Variants in CHD9 observed in about 807,000 individuals in gnomAD.
CHD9 encodes ATP-dependent chromatin remodeler CHD9.
In CHD9, 77 loss-of-function variants were observed where a neutral mutation model predicts 316.1. The observed-to-expected ratio is 0.24, with a 90% confidence interval of 0.20 to 0.29. CHD9 has a LOEUF of 0.29. Among genes scored for constraint, CHD9 ranks in the 10% least tolerant of loss-of-function variants. CHD9 has a pLI of 1.00. For synonymous variants in CHD9, 1,129 were observed against 1,158.3 expected (o/e 0.97, Z 0.51); for missense variants, 2,763 against 3,438.1 (o/e 0.80, Z 4.91).
intron 1 of CHD9, among the ~76,000 whole-genome samples, chr16:53,154,541 G>A (rs967530149): frequency 2.2e-4 from 34 of 152,266 alleles, no homozygotes; most frequent in East Asian, 1.4e-3. Flanking sequence ...TTTCGTGGAT[G>A]GGGTAGGGAA....
At chr16:53,229,845 C>G (rs1453535612) in intron 8 of CHD9, among the ~76,000 whole-genome samples, 1 of 152,176 alleles carries the variant, frequency 6.6e-6, no homozygotes, top group African/African-American at 2.4e-5. Context: ...TCTCTTTCAT[C>G]AAAATAGTAG....
chr16:53,309,333 C>T (rs572611058), intron 34 of CHD9, among the ~76,000 whole-genome samples: 3 of 152,262 alleles, frequency 2.0e-5, no homozygotes, highest in African/African-American at 7.2e-5. Context: ...TATTGGGCAG[C>T]TCAAATTGTC....
intron 2 of CHD9, among the ~76,000 whole-genome samples, chr16:53,196,092 A>C (rs2044891429): frequency 6.6e-6 from 1 of 152,142 alleles, no homozygotes; most frequent in Admixed American, 6.6e-5. Flanking sequence ...CCACAAGGGT[A>C]GAATCTTGCA....
chr16:53,283,326 T>C (rs1322828572), intron 24 of CHD9, among the ~76,000 whole-genome samples: 1 of 152,238 alleles, frequency 6.6e-6, no homozygotes, highest in Admixed American at 6.5e-5. Flanking sequence ...GAATGAATGA[T>C]CTACCCTGGG....
At chr16:53,151,951 T>C (rs2041153653) in intron 1 of CHD9, among the ~76,000 whole-genome samples, 1 of 149,898 alleles carries the variant, frequency 6.7e-6, no homozygotes, top group Non-Finnish European at 1.5e-5. Flanking sequence ...TTCTTATTCT[T>C]TGTATGCTTT....
chr16:53,100,517 T>C (rs2152567813), intron 1 of CHD9, among the ~76,000 whole-genome samples: 1 of 147,846 alleles, frequency 6.8e-6, no homozygotes, highest in East Asian at 2.0e-4. Flanking sequence ...TGGAGTAAAG[T>C]GGCTGATCAT....
At position 53,150,320 on chromosome 16, in the gene CHD9, A is replaced by G. The variant is rs535101140; in HGVS notation, c.-164-5606A>G. Among the ~76,000 whole-genome samples the G allele has an allele frequency of 2.0e-3, 309 of 152,194 alleles. 1 individual carries two copies. The highest frequency in any genetic ancestry group is 0.017 in the Middle Eastern group (5 of 294). On this transcript the variant is annotated intron_variant, in intron 1 of 38. Coordinates refer to ENST00000447540, the MANE Select transcript of CHD9 (RefSeq NM_001308319.2). ...TATGTTGCGGATTATAATTAACAAAAATTATAACAATGTATTTTAAATGCC... is the reference window on the plus strand; with the variant it reads ...TATGTTGCGGATTATAATTAACAAAGATTATAACAATGTATTTTAAATGCC...
intron 1 of CHD9, among the ~76,000 whole-genome samples, chr16:53,091,894 A>G (rs529218221): frequency 6.6e-6 from 1 of 152,136 alleles, no homozygotes; most frequent in South Asian, 2.1e-4. Flanking sequence ...GCTAAATGGA[A>G]AGAGCTTCCT....
Position 53,249,929 on chromosome 16 carries a change from G to A in CHD9, c.3724G>A (p.Asp1242Asn). ...VRGNLRQAAIDRFSKPDSDRF... is the reference protein window; with the variant it reads ...VRGNLRQAAINRFSKPDSDRF... ...AGGAAATCTTCGGCAAGCTGCTATAGATAGATTTAGTAAACCTGATTCAGA... is the reference window on the plus strand; with the variant it reads ...AGGAAATCTTCGGCAAGCTGCTATAAATAGATTTAGTAAACCTGATTCAGA... Residue 1242 changes from aspartate (D) to asparagine (N), a missense_variant, in exon 17 of 39, where the codon GAT (aspartate) becomes AAT (asparagine). Coordinates refer to ENST00000447540, the MANE Select transcript of CHD9 (RefSeq NM_001308319.2). 1 of 1,613,840 alleles carries A rather than the reference G, an allele frequency of 6.2e-7. No homozygotes were observed. Among genetic ancestry groups the A allele is most frequent in the Non-Finnish European group, 8.5e-7 (1 of 1,179,800 alleles).
intron 1 of CHD9, among the ~76,000 whole-genome samples, chr16:53,113,543 C>T (rs1455437458): frequency 6.6e-6 from 1 of 151,768 alleles, no homozygotes; most frequent in Non-Finnish European, 1.5e-5. Context: ...AATCTCTTGA[C>T]GTCATGATGC....
In CHD9 at chr16:53,228,387, C is replaced by G. The variant is rs368200543; in HGVS notation, c.2169-596C>G. ...TTTCCTGATCTTTAGGTTTTTATGTCAGACGCACACAATGAGATGATTTGA... is the reference window on the plus strand; with the variant it reads ...TTTCCTGATCTTTAGGTTTTTATGTGAGACGCACACAATGAGATGATTTGA... On this transcript the variant is annotated intron_variant, in intron 7 of 38. Transcript: ENST00000447540. Among the ~76,000 whole-genome samples, 9 of 151,484 alleles carry G rather than the reference C, an allele frequency of 5.9e-5. 1 individual carries two copies. Among genetic ancestry groups the G allele is most frequent in the Admixed American group, 6.6e-5 (1 of 15,228 alleles).
intron 11 of CHD9, among the ~76,000 whole-genome samples, chr16:53,236,023 T>G (rs1391209032): frequency 6.6e-6 from 1 of 152,202 alleles, no homozygotes; most frequent in Admixed American, 6.5e-5. Flanking sequence ...TGAATTGTTA[T>G]GCTTAGTGAT....
chr16:53,303,894 G>A lies in CHD9; in HGVS notation c.5888G>A (p.Cys1963Tyr), dbSNP rs988226677. ...PNPDLPVWWE[C>Y]GPHDRDLLIG... ...CCAGATTTACCAGTCTGGTGGGAAT[G>A]TGGCCCTCATGATAGGGATTTGCTT... Residue 1963 changes from cysteine (C) to tyrosine (Y), a missense_variant, in exon 31 of 39, where the codon TGT (cysteine) becomes TAT (tyrosine). By Grantham distance (194) the Cys-to-Tyr change is radical (BLOSUM62 -2). Transcript: ENST00000447540. The A allele has an allele frequency of 1.9e-6, 3 of 1,614,056 alleles. No individual in the cohort carries two copies. The highest frequency in any genetic ancestry group is 2.5e-6 in the Non-Finnish European group (3 of 1,179,894).
rs75592099 is a variant in CHD9 at position 53,135,478 on chromosome 16, T to C, written c.-164-20448T>C. ...TACATATATTTTAGAGAGGAGATGG[T>C]GAGGTGTGGAGGAGGAACAACTGAC... is the stretch of plus-strand genomic sequence containing the variant. On this transcript the variant is annotated intron_variant, in intron 1 of 38. Transcript: ENST00000447540. Among the ~76,000 whole-genome samples, 931 of 152,182 alleles carry C rather than the reference T, an allele frequency of 6.1e-3. 13 individuals carry two copies. Among genetic ancestry groups the C allele is most frequent in the African/African-American group, 0.021 (886 of 41,524 alleles).
chr16:53,122,386 A>G (rs1284677217), intron 1 of CHD9, among the ~76,000 whole-genome samples: 1 of 152,182 alleles, frequency 6.6e-6, no homozygotes, highest in African/African-American at 2.4e-5. Context: ...CACTACAACA[A>G]TCTTCAAACT....
intron 27 of CHD9, 75 bp from the exon 28 acceptor site, chr16:53,291,650 T>A: frequency 1.0e-6 from 1 of 994,984 alleles, no homozygotes; most frequent in Non-Finnish European, 1.5e-6. Flanking sequence ...TATAAAGAAG[T>A]TTGATTCTCT....
At chr16:53,102,366 T>A (rs559958966) in intron 1 of CHD9, among the ~76,000 whole-genome samples, 27 of 151,798 alleles carry the variant, frequency 1.8e-4, no homozygotes, top group South Asian at 1.5e-3. Context: ...TAATAATAAT[T>A]ATTATTATTA....
intron 1 of CHD9, chr16:53,131,409 G>C (rs1379410491): frequency 6.9e-6 from 1 of 145,868 alleles, no homozygotes; most frequent in African/African-American, 2.5e-5. Flanking sequence ...TCCGGTCCCG[G>C]GGCCGGGGTC....
chr16:53,321,700 T>TA (rs2057281722), intron 38 of CHD9, 70 bp downstream of exon 38: 1 of 777,910 alleles, frequency 1.3e-6, no homozygotes, highest in Non-Finnish European at 1.9e-6. Context: ...TATCTTAGAT[T>TA]AATTATAATT....
Sources: allele counts gnomAD v4.1 joint callset (sites outside exome capture counted in the v4.1 genomes callset), GRCh38; gene constraint gnomAD v4.1.1; transcripts MANE v1.5; gene names NCBI Gene and HGNC (gene_info 2026-07-23, HGNC 2026-07-21).